The following KIAA1217 variants were observed in gnomAD, a reference collection of about 807,000 sequenced individuals.
The protein encoded by KIAA1217 is sickle tail protein homolog.
Under a neutral mutation model 163.9 loss-of-function variants are expected in KIAA1217, and 88 were observed. The ratio of observed to expected loss-of-function variants is 0.54; its 90% CI spans 0.45 to 0.64. The LOEUF is 0.64. Ranked by LOEUF, KIAA1217 falls within the 30% of genes least tolerant of loss-of-function variation. KIAA1217 has a pLI of 0.00. For synonymous variants in KIAA1217, 903 were observed against 923.1 expected, an observed-to-expected ratio of 0.98 and a Z score of 0.39; for missense variants, 2,372 against 2,475.0, an observed-to-expected ratio of 0.96 and a Z score of 0.88.
intron 2 of KIAA1217, among the ~76,000 whole-genome samples, chr10:24,136,807 G>A (rs2063849893): frequency 6.6e-5 from 10 of 152,194 alleles, no homozygotes; most frequent in Admixed American, 6.5e-4. Context: ...GCAGTAAGAG[G>A]GAGGTTCTGC....
intron 2 of KIAA1217, among the ~76,000 whole-genome samples, chr10:24,200,737 A>G (rs982208302): frequency 2.0e-5 from 3 of 152,162 alleles, no homozygotes; most frequent in Non-Finnish European, 2.9e-5. Context: ...CCCGGGGAGC[A>G]TCTGAGCTCT....
intron 1 of KIAA1217, among the ~76,000 whole-genome samples, chr10:23,992,364 C>T (rs1407112578): frequency 6.6e-6 from 1 of 152,136 alleles, no homozygotes; most frequent in Non-Finnish European, 1.5e-5. Context: ...CAGTGTTTCA[C>T]GTGATGGATC....
At chr10:24,419,581 T>C (rs577693355) in intron 3 of KIAA1217, among the ~76,000 whole-genome samples, 2 of 152,308 alleles carry the variant, frequency 1.3e-5, no homozygotes, top group African/African-American at 4.8e-5. Flanking sequence ...AATTAATATG[T>C]GGAAGAGTTT....
At chr10:23,848,780 G>A (rs907108415) in intron 1 of KIAA1217, among the ~76,000 whole-genome samples, 3 of 151,998 alleles carry the variant, frequency 2.0e-5, no homozygotes, top group Non-Finnish European at 4.4e-5. Flanking sequence ...CTGCCCTGGA[G>A]AGTCACATGG....
chr10:24,546,334 C>T lies in KIAA1217; in HGVS notation c.*10C>T. On this transcript the variant is annotated 3_prime_UTR_variant, in exon 21 of 21. Transcript: ENST00000376454. ...AAAAGAAACCTCTTAAAGGTCAAAT[C>T]CTATTAGGCACAAGTCGGAGTTACA... 1 of 1,571,314 alleles carries T rather than the reference C, an allele frequency of 6.4e-7. No homozygotes were observed. Among genetic ancestry groups the T allele is most frequent in the Non-Finnish European group, 8.6e-7 (1 of 1,160,472 alleles).
intron 2 of KIAA1217, among the ~76,000 whole-genome samples, chr10:24,367,990 C>A (rs890120390): frequency 6.6e-6 from 1 of 152,158 alleles, no homozygotes; most frequent in Non-Finnish European, 1.5e-5. Flanking sequence ...ATCTCTTTAC[C>A]TTCCCCTTCT....
At chr10:24,255,431 G>A (rs1234205645) in intron 2 of KIAA1217, 1 of 417,302 alleles carries the variant, frequency 2.4e-6, no homozygotes, top group East Asian at 8.3e-5. Context: ...CCACCCGTGG[G>A]CTCAGCACTG....
chr10:24,374,539 T>G (rs2134603552), intron 2 of KIAA1217, among the ~76,000 whole-genome samples: 1 of 152,284 alleles, frequency 6.6e-6, no homozygotes, highest in Non-Finnish European at 1.5e-5. Context: ...ACCCCAAAAT[T>G]GCAAGATCAT....
chr10:24,255,074 C>T (rs1260387225), intron 2 of KIAA1217, among the ~76,000 whole-genome samples: 2 of 152,024 alleles, frequency 1.3e-5, no homozygotes, highest in Non-Finnish European at 2.9e-5. Flanking sequence ...AGGCTGGTCT[C>T]GAACTCCTGA....
intron 1 of KIAA1217, among the ~76,000 whole-genome samples, chr10:23,748,003 G>T (rs1047658901): frequency 2.0e-5 from 3 of 152,142 alleles, no homozygotes; most frequent in African/African-American, 4.8e-5. Context: ...CTGCAGGTGT[G>T]GAATCAATTC....
intron 2 of KIAA1217, among the ~76,000 whole-genome samples, chr10:24,305,937 G>A (rs1488707867): frequency 6.6e-6 from 1 of 151,904 alleles, no homozygotes; most frequent in East Asian, 1.9e-4. Flanking sequence ...AATAGAGCAA[G>A]GAGAGAAAAT....
At chr10:23,779,152 T>C (rs1294552523) in intron 1 of KIAA1217, among the ~76,000 whole-genome samples, 1 of 152,156 alleles carries the variant, frequency 6.6e-6, no homozygotes, top group Non-Finnish European at 1.5e-5. Context: ...ACTCTTGTCT[T>C]TTCCCTTGGT....
At chr10:24,145,293 T>A (rs1369526496) in intron 2 of KIAA1217, among the ~76,000 whole-genome samples, 2 of 152,216 alleles carry the variant, frequency 1.3e-5, no homozygotes, top group African/African-American at 4.8e-5. Context: ...CTGTTCCTTA[T>A]TGTCTGTTTC....
At chr10:24,048,501 C>T (rs1376749954) in intron 2 of KIAA1217, among the ~76,000 whole-genome samples, 1 of 152,068 alleles carries the variant, frequency 6.6e-6, no homozygotes, top group African/African-American at 2.4e-5. Flanking sequence ...GAGGCCAAGG[C>T]GGGTGGATTA....
intron 1 of KIAA1217, among the ~76,000 whole-genome samples, chr10:23,907,683 G>T (rs531695687): frequency 6.6e-6 from 1 of 152,138 alleles, no homozygotes; most frequent in East Asian, 1.9e-4. Context: ...TGCCCACATT[G>T]GTGAGGGTGA....
At chr10:24,465,040 C>CA (rs1268494141) in intron 5 of KIAA1217, among the ~76,000 whole-genome samples, 2 of 152,162 alleles carry the variant, frequency 1.3e-5, no homozygotes, top group Non-Finnish European at 2.9e-5. Flanking sequence ...GTGGCCTAAT[C>CA]AGACAAGGGG....
chr10:23,792,951 T>A (rs1836023757), intron 1 of KIAA1217, among the ~76,000 whole-genome samples: 1 of 152,142 alleles, frequency 6.6e-6, no homozygotes, highest in Non-Finnish European at 1.5e-5. Context: ...AGCCAGTGAG[T>A]CTTCATTCGC....
intron 2 of KIAA1217, among the ~76,000 whole-genome samples, chr10:24,153,093 C>T (rs1354120650): frequency 1.3e-5 from 2 of 152,200 alleles, no homozygotes; most frequent in African/African-American, 4.8e-5. Context: ...AGCCTTAGGT[C>T]AGTTTGCCCA....
intron 1 of KIAA1217, among the ~76,000 whole-genome samples, chr10:23,697,650 G>A (rs1294759480): frequency 1.3e-5 from 2 of 151,612 alleles, no homozygotes; most frequent in Non-Finnish European, 2.9e-5. Context: ...TGGGCAGATC[G>A]CTTGAGCTCT....
Sources: allele counts gnomAD v4.1 joint callset (sites outside exome capture counted in the v4.1 genomes callset), GRCh38; gene constraint gnomAD v4.1.1; transcripts MANE v1.5; gene names NCBI Gene and HGNC (gene_info 2026-07-23, HGNC 2026-07-21).